The following ZFHX3 variants were observed in gnomAD, a reference collection of about 807,000 sequenced individuals.
ZFHX3 encodes zinc finger homeobox protein 3.
In ZFHX3, 42 loss-of-function variants were observed where a neutral mutation model predicts 279.1. The observed-to-expected ratio is 0.15, with a 90% CI of 0.12 to 0.19. The LOEUF is 0.19. ZFHX3 is among the 10% of genes least tolerant of loss of function. ZFHX3 has a pLI of 1.00. For synonymous variants in ZFHX3, 2,293 were observed against 1,957.8 expected, an observed-to-expected ratio of 1.17 and a Z score of -4.52; for missense variants, 4,981 against 4,754.0, an observed-to-expected ratio of 1.05 and a Z score of -1.40.
At chr16:73,393,150 T>G (rs115203120) in intron 3 of ZFHX3, among the ~76,000 whole-genome samples, 1,549 of 152,290 alleles carry the variant, frequency 0.01, 34 homozygotes, top group African/African-American at 0.035. Flanking sequence ...AGAAGTTTCA[T>G]TGGCTCACAG....
chr16:73,008,728 T>C (rs1194707563), intron 1 of ZFHX3, among the ~76,000 whole-genome samples: 1 of 152,184 alleles, frequency 6.6e-6, no homozygotes, highest in Non-Finnish European at 1.5e-5. Context: ...CATCTAAGTA[T>C]ATAACCAAGT....
At chr16:72,998,382 C>T (rs1963368346) in intron 1 of ZFHX3, among the ~76,000 whole-genome samples, 1 of 152,166 alleles carries the variant, frequency 6.6e-6, no homozygotes, top group Non-Finnish European at 1.5e-5. Flanking sequence ...GCCTGGGCAA[C>T]AGACTGAGAC....
At chr16:73,719,795 AG>A (rs2053456713) in intron 1 of ZFHX3, among the ~76,000 whole-genome samples, 1 of 7,202 alleles carries the variant, frequency 1.4e-4, no homozygotes, top group Non-Finnish European at 1.6e-3. Context: ...CACCAAGCCC[AG>A]CTAATTTTGT....
At chr16:73,512,036 G>A (rs1230205016) in intron 2 of ZFHX3, among the ~76,000 whole-genome samples, 1 of 152,050 alleles carries the variant, frequency 6.6e-6, no homozygotes, top group Non-Finnish European at 1.5e-5. Flanking sequence ...TTAGATCTCA[G>A]GACGACTCAA....
At chr16:73,364,862 A>G (rs1220903246) in intron 3 of ZFHX3, among the ~76,000 whole-genome samples, 1 of 152,198 alleles carries the variant, frequency 6.6e-6, no homozygotes, top group Non-Finnish European at 1.5e-5. Context: ...ACAAGAGATC[A>G]TGGATTTGCT....
chr16:73,188,352 G>A (rs889124709), intron 5 of ZFHX3, among the ~76,000 whole-genome samples: 22 of 152,138 alleles, frequency 1.4e-4, no homozygotes, highest in African/African-American at 5.3e-4. Flanking sequence ...GAGTCACCAG[G>A]CCTAGCCCTT....
At chr16:73,209,775 T>G (rs1397783928) in intron 5 of ZFHX3, among the ~76,000 whole-genome samples, 1 of 152,178 alleles carries the variant, frequency 6.6e-6, no homozygotes, top group Non-Finnish European at 1.5e-5. Flanking sequence ...TCTGGAAAAC[T>G]CCATTGTACA....
chr16:73,086,935 C>T lies in ZFHX3; in HGVS notation c.-533+6300G>A, dbSNP rs12596485. Among the ~76,000 whole-genome samples the T allele has an allele frequency of 0.011, 1,619 of 151,884 alleles. 95 individuals carry two copies. The East Asian group carries it at 0.17, about 16-fold the overall frequency. On this transcript the variant is annotated intron_variant, in intron 8 of 17. Coordinates refer to the ZFHX3 transcript ENST00000641206. Reference sequence around the variant, plus strand: ...AAAACAAAACAGAAAACCAAAACCACAAAACAACAAAATAGCCAGAAGAGA... The same window carrying T: ...AAAACAAAACAGAAAACCAAAACCATAAAACAACAAAATAGCCAGAAGAGA...
At chr16:73,782,672 T>G (rs1959512447) in intron 1 of ZFHX3, among the ~76,000 whole-genome samples, 1 of 152,136 alleles carries the variant, frequency 6.6e-6, no homozygotes, top group Non-Finnish European at 1.5e-5. Flanking sequence ...AGTGACAAGC[T>G]TAACTGCTGA....
chr16:73,327,579 A>C (rs2015717141), intron 3 of ZFHX3, among the ~76,000 whole-genome samples: 1 of 152,232 alleles, frequency 6.6e-6, no homozygotes, highest in South Asian at 2.1e-4. Flanking sequence ...AGATGAATGA[A>C]AGATGCTCCA....
chr16:73,784,882 G>A (rs1959597748), intron 1 of ZFHX3, among the ~76,000 whole-genome samples: 1 of 148,922 alleles, frequency 6.7e-6, no homozygotes, highest in Admixed American at 6.7e-5. Context: ...CTCTAATGAG[G>A]AATAGTGGTC....
intron 1 of ZFHX3, among the ~76,000 whole-genome samples, chr16:73,734,684 A>G (rs1161125900): frequency 6.6e-6 from 1 of 152,168 alleles, no homozygotes; most frequent in Non-Finnish European, 1.5e-5. Flanking sequence ...TGTGTCCACA[A>G]TTTCAACCAA....
chr16:72,811,870 C>T (rs761503316), intron 6 of ZFHX3, 35 bp downstream of exon 6: 1 of 1,593,854 alleles, frequency 6.3e-7, no homozygotes, highest in South Asian at 1.1e-5. Context: ...TAAAACACCT[C>T]ACCTCCCCAC....
intron 1 of ZFHX3, among the ~76,000 whole-genome samples, chr16:72,960,754 T>C (rs1382425127): frequency 6.6e-6 from 1 of 152,176 alleles, no homozygotes; most frequent in East Asian, 1.9e-4. Flanking sequence ...TCGCTTTTAC[T>C]GACCATGGTT....
intron 2 of ZFHX3, among the ~76,000 whole-genome samples, chr16:73,502,182 G>A (rs1037025573): frequency 6.6e-6 from 1 of 152,156 alleles, no homozygotes; most frequent in East Asian, 1.9e-4. Flanking sequence ...TCTAAAAGAA[G>A]GCTAAGGAAC....
chr16:73,016,019 G>A (rs1193369024), intron 1 of ZFHX3: 1 of 152,238 alleles, frequency 6.6e-6, no homozygotes, highest in African/African-American at 2.4e-5. Flanking sequence ...AAGGCATCCT[G>A]CCACAGAGCG....
intron 5 of ZFHX3, among the ~76,000 whole-genome samples, chr16:73,184,202 G>A (rs370342933): frequency 6.6e-6 from 1 of 152,148 alleles, no homozygotes. Context: ...TTGCCACGTG[G>A]CTCAGTGGTG....
At position 73,142,503 on chromosome 16, in the gene ZFHX3, C is replaced by T. The variant is rs576542878; in HGVS notation, c.-1024+1249G>A. The stretch of plus-strand genomic sequence containing the variant: ...AGTGAGGCCCTTGTAATCTGTTTCT[C>T]CCCCCATCGGCAGGGCCACCCTTCT... On this transcript the variant is annotated intron_variant, in intron 6 of 17. Coordinates refer to the ZFHX3 transcript ENST00000641206. 1.1e-3 allele frequency among the ~76,000 whole-genome samples: 166 copies of T among 152,252 alleles called. 1 individual carries two copies. Among genetic ancestry groups the T allele is most frequent in the African/African-American group, 3.7e-3 (155 of 41,536 alleles).
At chr16:73,776,902 A>G (rs1417151637) in intron 1 of ZFHX3, among the ~76,000 whole-genome samples, 4 of 151,954 alleles carry the variant, frequency 2.6e-5, no homozygotes, top group Non-Finnish European at 5.9e-5. Context: ...TATTTTTTTT[A>G]AGGAACAATA....
Sources: gnomAD v4.1 joint callset for allele counts (sites outside exome capture counted in the v4.1 genomes callset) on GRCh38, gnomAD v4.1.1 for gene constraint, MANE v1.5 for transcripts, NCBI Gene and HGNC (gene_info 2026-07-23, HGNC 2026-07-21) for gene names.